Variants in ZNF609 observed in about 807,000 individuals in gnomAD.
The protein encoded by ZNF609 is zinc finger protein 609.
In ZNF609, 11 loss-of-function variants were observed where a neutral mutation model predicts 109.5. The observed-to-expected ratio is 0.10, with a 90% confidence interval of 0.06 to 0.17. The LOEUF (loss-of-function observed/expected upper bound fraction) is 0.17, where lower values mean the gene tolerates loss of function less well. Among genes scored for constraint, ZNF609 ranks in the 10% least tolerant of loss-of-function variants. The probability of loss-of-function intolerance (pLI) is 1.00; values close to 1 mark genes in which losing one functional copy is unlikely to be tolerated. For synonymous variants in ZNF609, 646 were observed against 662.0 expected (o/e 0.98, Z 0.37); for missense variants, 1,559 against 1,772.4 (o/e 0.88, Z 2.16).
chr15:64,500,327 A>C, intron 2 of ZNF609, 161 bp downstream of exon 2: 1 of 1,012,416 alleles, frequency 9.9e-7, no homozygotes, highest in Non-Finnish European at 1.5e-6. Context: ...GTTTTCTTCC[A>C]AATTAGAGGA....
chr15:64,640,802 A>G (rs1033412955), intron 3 of ZNF609, among the ~76,000 whole-genome samples: 2 of 152,238 alleles, frequency 1.3e-5, no homozygotes, highest in African/African-American at 4.8e-5. Flanking sequence ...TTACCTCAGC[A>G]AGAGGAAAGG....
chr15:64,619,958 T>C (rs2140969975), intron 2 of ZNF609, among the ~76,000 whole-genome samples: 1 of 152,342 alleles, frequency 6.6e-6, no homozygotes, highest in Middle Eastern at 3.4e-3. Context: ...GAGCACTGAA[T>C]AACCTAGCAG....
At chr15:64,528,733 A>G (rs2140369950) in intron 2 of ZNF609, 2 of 1,022,166 alleles carry the variant, frequency 2.0e-6, no homozygotes, top group Non-Finnish European at 1.5e-6. Context: ...ATTCATTGTC[A>G]TACCAGGAAA....
intron 2 of ZNF609, among the ~76,000 whole-genome samples, chr15:64,550,381 T>C (rs1567011881): frequency 6.6e-6 from 1 of 152,120 alleles, no homozygotes; most frequent in Non-Finnish European, 1.5e-5. Flanking sequence ...ATATTTTGGA[T>C]ATTAATCTCT....
chr15:64,649,533 T>C (rs1204499621), intron 3 of ZNF609, among the ~76,000 whole-genome samples: 2 of 152,190 alleles, frequency 1.3e-5, no homozygotes, highest in Admixed American at 1.3e-4. Context: ...TTCCTATTCT[T>C]CTGTCAGCTC....
intron 2 of ZNF609, among the ~76,000 whole-genome samples, chr15:64,547,490 A>G (rs576589237): frequency 1.3e-5 from 2 of 152,340 alleles, no homozygotes; most frequent in African/African-American, 4.8e-5. Context: ...ATGGGAAACA[A>G]GGCTGCTTTG....
rs149241970 is a variant in ZNF609 at position 64,478,155 on chromosome 15, GGTGTGTGTGTGTGTGTGT to G, written c.-128+17342_-128+17359del. Reference sequence around the variant, plus strand: ...TTTTCATATTTAATTTTAGAATAAAGGTGTGTGTGTGTGTGTGTGTGTGTGTGTGTGTGTGTGTGTGTC... The same window carrying G: ...TTTTCATATTTAATTTTAGAATAAAGGTGTGTGTGTGTGTGTGTGTGTGTC... On this transcript the variant is annotated intron_variant, in intron 1 of 9. Coordinates refer to ENST00000326648, the MANE Select transcript of ZNF609 (RefSeq NM_015042.2). Among the ~76,000 whole-genome samples, 637 of 138,308 alleles carry G rather than the reference GGTGTGTGTGTGTGTGTGT, an allele frequency of 4.6e-3. 6 individuals carry two copies. The highest frequency in any genetic ancestry group is 0.016 in the African/African-American group (606 of 37,850). The allele number at this position is 138,308 out of a possible 152,430, so 90.7% of individuals were successfully genotyped here.
intron 2 of ZNF609, among the ~76,000 whole-genome samples, chr15:64,513,782 T>C (rs998437966): frequency 6.6e-6 from 1 of 151,684 alleles, no homozygotes; most frequent in South Asian, 2.1e-4. Flanking sequence ...CACATGGGAG[T>C]GGAAACCAGA....
intron 2 of ZNF609, among the ~76,000 whole-genome samples, chr15:64,527,270 G>A (rs778378582): frequency 8.1e-5 from 12 of 147,934 alleles, no homozygotes; most frequent in East Asian, 1.9e-4. Context: ...TATCTGAGTC[G>A]TTGTCGTCAG....
In ZNF609 at chr15:64,646,190, T is replaced by C. The variant is rs186960656; in HGVS notation, c.973+23138T>C. 2.7e-4 allele frequency among the ~76,000 whole-genome samples: 41 copies of C among 152,282 alleles called. No homozygotes were observed. The East Asian group carries it at 6.0e-3, about 22-fold the overall frequency. ...GGTATAGCCATACAATGGAATATTA[T>C]TCAGCAAACAAAAAGAAATGAAAGC... is the stretch of plus-strand genomic sequence containing the variant. On this transcript the variant is annotated intron_variant, in intron 3 of 9. Coordinates refer to ENST00000326648, the MANE Select transcript of ZNF609 (RefSeq NM_015042.2).
chr15:64,534,407 C>G (rs910963833), intron 2 of ZNF609, among the ~76,000 whole-genome samples: 2 of 152,022 alleles, frequency 1.3e-5, no homozygotes, highest in Admixed American at 6.6e-5. Context: ...CTCCGCCTCC[C>G]GGGTTCAAGC....
At chr15:64,600,175 G>T (rs1053461313) in intron 2 of ZNF609, among the ~76,000 whole-genome samples, 1 of 152,182 alleles carries the variant, frequency 6.6e-6, no homozygotes, top group African/African-American at 2.4e-5. Flanking sequence ...AATTAGCCAG[G>T]TGAGGTGGCT....
chr15:64,640,672 TC>T (rs1177013715), intron 3 of ZNF609, among the ~76,000 whole-genome samples: 1 of 152,194 alleles, frequency 6.6e-6, no homozygotes, highest in Non-Finnish European at 1.5e-5. Flanking sequence ...TCAAAGCTGT[TC>T]CATTGAGATG....
chr15:64,592,557 GAC>G (rs1023668959), intron 2 of ZNF609, among the ~76,000 whole-genome samples: 6 of 145,800 alleles, frequency 4.1e-5, no homozygotes, highest in Non-Finnish European at 9.1e-5. Flanking sequence ...CAGCCTGCAT[GAC>G]AGAGTGAGAC....
rs767045814 is a variant in ZNF609 at position 64,535,956 on chromosome 15, C to CT, written c.747+35799dup. 5.4e-3 allele frequency among the ~76,000 whole-genome samples: 809 copies of CT among 149,968 alleles called. 3 individuals carry two copies. The highest frequency in any genetic ancestry group is 0.021 in the Middle Eastern group (6 of 292). On this transcript the variant is annotated intron_variant, in intron 2 of 9. Coordinates refer to ENST00000326648, the MANE Select transcript of ZNF609 (RefSeq NM_015042.2). Reference sequence around the variant, plus strand: ...CATCTGGATGTCTTTTGCCCACTTTCTTTTTTTTTCATTTTTATTATTTTC... The same window carrying CT: ...CATCTGGATGTCTTTTGCCCACTTTCTTTTTTTTTTCATTTTTATTATTTTC...
At chr15:64,593,718 C>T (rs1207229505) in intron 2 of ZNF609, among the ~76,000 whole-genome samples, 2 of 152,152 alleles carry the variant, frequency 1.3e-5, no homozygotes, top group Non-Finnish European at 2.9e-5. Flanking sequence ...TTTGTAGGTA[C>T]AGGGTTTCAC....
intron 3 of ZNF609, among the ~76,000 whole-genome samples, chr15:64,665,052 G>T (rs1349553515): frequency 1.3e-5 from 2 of 152,150 alleles, no homozygotes; most frequent in Non-Finnish European, 2.9e-5. Context: ...GCCACCTTTT[G>T]GGGGAGACAT....
chr15:64,679,903 A>G (rs776229536), intron 6 of ZNF609, among the ~76,000 whole-genome samples: 2 of 152,200 alleles, frequency 1.3e-5, no homozygotes, highest in East Asian at 1.9e-4. Flanking sequence ...ACTTTATCAT[A>G]TCACTTCTCC....
chr15:64,615,948 C>A (rs1341006015), intron 2 of ZNF609, among the ~76,000 whole-genome samples: 1 of 152,144 alleles, frequency 6.6e-6, no homozygotes, highest in Admixed American at 6.5e-5. Flanking sequence ...GCGTTTTTGT[C>A]TGTGAAGGTG....
Sources: allele counts gnomAD v4.1 joint callset (sites outside exome capture counted in the v4.1 genomes callset), GRCh38; gene constraint gnomAD v4.1.1; transcripts MANE v1.5; gene names NCBI Gene and HGNC (gene_info 2026-07-23, HGNC 2026-07-21).